Variants in TRIM22 observed in about 807,000 individuals in gnomAD.
TRIM22 encodes E3 ubiquitin-protein ligase TRIM22.
In TRIM22, 45 loss-of-function variants were observed where a neutral mutation model predicts 53.6. That is an observed-to-expected ratio of 0.84 (90% CI 0.66 to 1.08). TRIM22 has a LOEUF of 1.08. Ranked by LOEUF, TRIM22 falls within the 50% of genes least tolerant of loss-of-function variation. The probability of loss-of-function intolerance (pLI) is 0.00; values close to 1 mark genes in which losing one functional copy is unlikely to be tolerated. For missense variants in TRIM22, 616 were observed against 590.9 expected (o/e 1.04, Z -0.44); for synonymous variants, 225 against 216.6 (o/e 1.04, Z -0.34).
At chr11:5,707,029 T>C (rs778854326) in intron 5 of TRIM22, among the ~76,000 whole-genome samples, 35 of 152,328 alleles carry the variant, frequency 2.3e-4, no homozygotes, top group Non-Finnish European at 3.7e-4. Context: ...ACAATAACTT[T>C]CTAGGTGGTG....
At position 5,698,374 on chromosome 11, in the gene TRIM22, C is replaced by G; in HGVS notation, c.579C>G (p.Ile193Met). The G allele has an allele frequency of 1.2e-6, 2 of 1,614,200 alleles. No individual in the cohort carries two copies. The highest frequency in any genetic ancestry group is 1.7e-6 in the Non-Finnish European group (2 of 1,180,038). Residue 193 changes from isoleucine to methionine, a missense_variant, in exon 4 of 8, where the codon ATC becomes ATG. Coordinates refer to ENST00000379965, the MANE Select transcript of TRIM22 (RefSeq NM_006074.5). ...AAGGGTTCAATGAAATGAGAGTCATCTTGGACAATGAGGAGCAGAGAGAGC... is the reference window on the plus strand; with the variant it reads ...AAGGGTTCAATGAAATGAGAGTCATGTTGGACAATGAGGAGCAGAGAGAGC... The part of the protein sequence containing the change: ...ILKGFNEMRV[I>M]LDNEEQRELQ...
chr11:5,704,255 T>TC (rs1853422855), intron 4 of TRIM22, among the ~76,000 whole-genome samples: 1 of 151,974 alleles, frequency 6.6e-6, no homozygotes, highest in African/African-American at 2.4e-5. Flanking sequence ...TTATCTTTCT[T>TC]TTTTTTTCTT....
In TRIM22 at chr11:5,698,449, A is replaced by T. The variant is rs867285061; in HGVS notation, c.654A>T (p.Ala218=). ...GEVNVLDNLA[A]ATDQLVQQRQ... is the part of the protein sequence containing the mutation. The stretch of plus-strand genomic sequence containing the variant: ...TGAATGTGCTGGATAACCTGGCAGC[A>T]GCTACAGACCAGCTGGTCCAGCAGA... Residue 218 remains alanine (A), a synonymous_variant, in exon 4 of 8, where the codon GCA becomes GCT. Coordinates refer to ENST00000379965, the MANE Select transcript of TRIM22 (RefSeq NM_006074.5). 1 of 1,614,184 alleles carries T rather than the reference A, an allele frequency of 6.2e-7. No individual in the cohort carries two copies. Among genetic ancestry groups the T allele is most frequent in the Non-Finnish European group, 8.5e-7 (1 of 1,180,026 alleles).
chr11:5,705,049 C>A (rs1853438742), intron 4 of TRIM22, among the ~76,000 whole-genome samples: 1 of 152,182 alleles, frequency 6.6e-6, no homozygotes, highest in South Asian at 2.1e-4. Context: ...TTTTGAGGAA[C>A]CATCCCTACC....
Position 5,696,173 on chromosome 11 carries a change from A to G in TRIM22, c.-60A>G. 6.7e-7 allele frequency: 1 copy of G among 1,501,520 alleles called. No homozygotes were observed. Among genetic ancestry groups the G allele is most frequent in the Middle Eastern group, 1.8e-4 (1 of 5,592 alleles). The allele number at this position is 1,501,520 out of a possible 1,614,324, so 93.0% of individuals were successfully genotyped here. ...TCCCCTTCAACATTCTCAGCACTGC[A>G]GGAGTTTGTGACCAAGAACTTCAAG... On this transcript the variant is annotated 5_prime_UTR_variant, in exon 2 of 8. Transcript: ENST00000379965.
intron 3 of TRIM22, chr11:5,697,613 T>A: frequency 2.7e-6 from 1 of 367,828 alleles, no homozygotes; most frequent in Non-Finnish European, 4.9e-6. Flanking sequence ...ATTTGTGTCA[T>A]CAGGTTTGAG....
At chr11:5,704,687 G>C (rs1267976536) in intron 4 of TRIM22, among the ~76,000 whole-genome samples, 1 of 151,770 alleles carries the variant, frequency 6.6e-6, no homozygotes, top group Non-Finnish European at 1.5e-5. Flanking sequence ...TTTACTTTTT[G>C]TATCATAGCC....
intron 4 of TRIM22, among the ~76,000 whole-genome samples, chr11:5,701,360 A>G (rs541436062): frequency 5.0e-4 from 76 of 151,884 alleles, no homozygotes; most frequent in African/African-American, 1.7e-3. Context: ...GTGTTGCTTA[A>G]TATTTTGGAG....
rs1401877292 is a variant in TRIM22, at chr11:5,709,903, T to A, written c.*255T>A. On this transcript the variant is annotated 3_prime_UTR_variant, in exon 8 of 8. Coordinates refer to ENST00000379965, the MANE Select transcript of TRIM22 (RefSeq NM_006074.5). ...CCAGCAGAGTTGGTTCTTTCTGAGG[T>A]CTGCAAGGAAGGGCTCTGTTCCATG... The A allele has an allele frequency of 6.4e-6, 3 of 469,908 alleles. No homozygotes were observed. The highest frequency in any genetic ancestry group is 7.6e-6 in the Non-Finnish European group (2 of 264,326). The allele number at this position is 469,908 out of a possible 1,614,324, so 29.1% of individuals were successfully genotyped here. A position where few individuals can be genotyped will look rare whatever the true frequency, so the allele number is the denominator to read the frequency against.
chr11:5,690,523 G>A (rs745778871), intron 1 of TRIM22, among the ~76,000 whole-genome samples: 6 of 152,194 alleles, frequency 3.9e-5, no homozygotes, highest in Non-Finnish European at 8.8e-5. Context: ...AAAGGAATGT[G>A]AGTTGGTACT....
At chr11:5,702,318 A>G (rs1853387489) in intron 4 of TRIM22, among the ~76,000 whole-genome samples, 2 of 146,024 alleles carry the variant, frequency 1.4e-5, no homozygotes, top group Non-Finnish European at 3.0e-5. Flanking sequence ...ATGCCTAATA[A>G]TATAACTAAT....
Position 5,709,231 on chromosome 11 carries a change from T to C in TRIM22, c.1080T>C (p.Asp360=), listed in dbSNP as rs757021594. The stretch of plus-strand genomic sequence containing the variant: ...CGGGGAAATATTACTGGGAAGTAGA[T>C]GTGTCTGGAAAGATTGCCTGGATCC... The part of the protein sequence containing the change: ...FSSGKYYWEV[D]VSGKIAWILG... Residue 360 remains aspartate, a synonymous_variant, in exon 8 of 8, where the codon GAT becomes GAC. Transcript: ENST00000379965. The C allele has an allele frequency of 6.0e-5, 97 of 1,614,094 alleles. No individual in the cohort carries two copies. Among genetic ancestry groups the C allele is most frequent in the Non-Finnish European group, 8.1e-5 (96 of 1,180,042 alleles).
chr11:5,706,717 C>G, intron 5 of TRIM22, 101 bp downstream of exon 5: 1 of 1,245,470 alleles, frequency 8.0e-7, no homozygotes, highest in East Asian at 2.5e-5. Context: ...AATCAAAAGG[C>G]TGGGAAATTT....
In TRIM22 at chr11:5,709,726, A is replaced by G; in HGVS notation, c.*78A>G. On this transcript the variant is annotated 3_prime_UTR_variant, in exon 8 of 8. Transcript: ENST00000379965. Reference sequence around the variant, plus strand: ...AGATTCTGCACCTGAGTTCATCTCTACTGAGACCATCTCTTCCTTTCTTTC... The same window carrying G: ...AGATTCTGCACCTGAGTTCATCTCTGCTGAGACCATCTCTTCCTTTCTTTC... 8.2e-7 allele frequency: 1 copy of G among 1,214,956 alleles called. No individual in the cohort carries two copies. Among genetic ancestry groups the G allele is most frequent in the Non-Finnish European group, 1.2e-6 (1 of 866,074 alleles). 75.3% of individuals were successfully genotyped at this position (1,214,956 alleles called of 1,614,324 possible). A position where few individuals can be genotyped will look rare whatever the true frequency, so the allele number is the denominator to read the frequency against.
chr11:5,706,800 A>T (rs990949565), intron 5 of TRIM22, among the ~76,000 whole-genome samples, 184 bp downstream of exon 5: 1 of 152,230 alleles, frequency 6.6e-6, no homozygotes, highest in Non-Finnish European at 1.5e-5. Flanking sequence ...GTGTTGGGAG[A>T]TCACAGAGTT....
In TRIM22 at chr11:5,696,511, G is replaced by C; in HGVS notation, c.279G>C (p.Lys93Asn). 1 of 1,614,244 alleles carries C rather than the reference G, an allele frequency of 6.2e-7. No individual in the cohort carries two copies. The change falls in exon 2 of 8, where the codon AAG becomes AAC. Residue 93 changes from lysine (K) to asparagine (N), a missense_variant. Physicochemically the swap from Lys to Asn is moderately conservative, Grantham distance 94. Transcript: ENST00000379965. The part of the protein sequence containing the change: ...EVKMSPQEGQ[K>N]RDVCEHHGKK... ...AGATGAGCCCACAGGAGGGGCAGAAGAGAGATGTCTGTGAGCACCATGGAA... is the reference window on the plus strand; with the variant it reads ...AGATGAGCCCACAGGAGGGGCAGAACAGAGATGTCTGTGAGCACCATGGAA...
At chr11:5,693,786 T>C (rs1321098653) in intron 1 of TRIM22, among the ~76,000 whole-genome samples, 1 of 151,504 alleles carries the variant, frequency 6.6e-6, no homozygotes, top group African/African-American at 2.4e-5. Context: ...ATTAGTTTTC[T>C]AGAGCTGTCA....
At chr11:5,696,957 A>T (rs1001213271) in intron 2 of TRIM22, 1 of 501,760 alleles carries the variant, frequency 2.0e-6, no homozygotes, top group Admixed American at 3.7e-5. Context: ...GTCTGGTTAG[A>T]TGTGGGAAGA....
At chr11:5,704,061 G>A (rs1457849835) in intron 4 of TRIM22, among the ~76,000 whole-genome samples, 1 of 152,188 alleles carries the variant, frequency 6.6e-6, no homozygotes, top group Non-Finnish European at 1.5e-5. Context: ...AATTATTTCA[G>A]CCATTGTAGA....
Sources: allele counts gnomAD v4.1 joint callset (sites outside exome capture counted in the v4.1 genomes callset), GRCh38; gene constraint gnomAD v4.1.1; transcripts MANE v1.5; gene names NCBI Gene and HGNC (gene_info 2026-07-23, HGNC 2026-07-21).